Variants in PSMB5 observed in about 807,000 individuals in gnomAD.
The protein encoded by PSMB5 is proteasome subunit beta type-5.
In PSMB5, 2 loss-of-function variants were observed where a neutral mutation model predicts 22.8. The ratio of observed to expected loss-of-function variants is 0.09; its 90% CI spans 0.04 to 0.28. The LOEUF is 0.28. Among genes scored for constraint, PSMB5 ranks in the 10% least tolerant of loss-of-function variants. The pLI is 1.00. For synonymous variants in PSMB5, 133 were observed against 135.3 expected (o/e 0.98, Z 0.12); for missense variants, 269 against 343.8 (o/e 0.78, Z 1.72).
rs1453490794 is a variant in PSMB5 at position 23,033,580 on chromosome 14, G to A, written c.293C>T (p.Pro98Leu). Residue 98 changes from proline (P) to leucine (L), a missense_variant, in exon 2 of 3, where the codon CCA becomes CTA. Pro to Leu is a moderately conservative substitution (Grantham distance 98). Transcript: ENST00000361611. Reference sequence around the variant, plus strand: ...CCCAGCCATGGTGCCTAGCAGGTATGGGTTGATCTCTATCACCTTCTTCAC... The same window carrying A: ...CCCAGCCATGGTGCCTAGCAGGTATAGGTTGATCTCTATCACCTTCTTCAC... ...QTVKKVIEINPYLLGTMAGGA... is the reference protein window; with the variant it reads ...QTVKKVIEINLYLLGTMAGGA... 6.2e-7 allele frequency: 1 copy of A among 1,614,178 alleles called. No homozygotes were observed. Among genetic ancestry groups the A allele is most frequent in the South Asian group, 1.1e-5 (1 of 91,088 alleles).
At position 23,026,393 on chromosome 14, in the gene PSMB5, G is replaced by A. The variant is rs367628846; in HGVS notation, c.506-18C>T. 3.1e-5 allele frequency: 49 copies of A among 1,589,746 alleles called. No individual in the cohort carries two copies. The African/African-American group carries it at 5.5e-4, about 18-fold the overall frequency. ...GTAGAGGCCTGGAAAGGGAGATGAG[G>A]TTAGCAGGAAAAAAAAAAAGATCAC... On this transcript the variant is annotated intron_variant, in intron 2 of 2. Coordinates refer to ENST00000361611, the MANE Select transcript of PSMB5 (RefSeq NM_002797.5).
intron 2 of PSMB5, 52 bp from the exon 3 acceptor site, chr14:23,026,427 A>C: frequency 6.4e-7 from 1 of 1,574,174 alleles, no homozygotes; most frequent in East Asian, 2.2e-5. Context: ...ACCCCTTTTG[A>C]TATCTAATTC....
At position 23,026,431 on chromosome 14, in the gene PSMB5, C is replaced by T. The variant is rs560389024; in HGVS notation, c.506-56G>A. The T allele has an allele frequency of 7.0e-6, 11 of 1,567,868 alleles. No homozygotes were observed. In the East Asian group the frequency reaches 2.5e-4, roughly 35 times the overall value. ...AAAAAAAGATCACCCCTTTTGATATCTAATTCATATGCCAAGGCAGTAGTT... is the reference window on the plus strand; with the variant it reads ...AAAAAAAGATCACCCCTTTTGATATTTAATTCATATGCCAAGGCAGTAGTT... On this transcript the variant is annotated intron_variant, in intron 2 of 2. Transcript: ENST00000361611.
At chr14:23,035,038 C>A (rs1416323633), upstream of PSMB5, 1 of 1,389,536 alleles carries the variant, frequency 7.2e-7, no homozygotes, top group East Asian at 2.6e-5. Context: ...GAGCCAGATG[C>A]GAAAGACCAT....
chr14:23,030,321 CT>C (rs1442422136), intron 2 of PSMB5, among the ~76,000 whole-genome samples: 2 of 151,712 alleles, frequency 1.3e-5, no homozygotes, highest in African/African-American at 4.8e-5. Flanking sequence ...AACCCCGTCT[CT>C]ACTAAAAATA....
At chr14:23,026,575 A>G (rs1485673160) in intron 2 of PSMB5, among the ~76,000 whole-genome samples, 200 bp from the exon 3 acceptor site, 1 of 151,496 alleles carries the variant, frequency 6.6e-6, no homozygotes, top group Non-Finnish European at 1.5e-5. Flanking sequence ...TCAGTTTCCC[A>G]GGTAGCTAGG....
chr14:23,032,881 G>C (rs893146297), intron 2 of PSMB5, among the ~76,000 whole-genome samples: 1 of 149,758 alleles, frequency 6.7e-6, no homozygotes, highest in African/African-American at 2.5e-5. Flanking sequence ...ACAGGAGTGA[G>C]CCACCACGCC....
In PSMB5 at chr14:23,027,829, A is replaced by G. The variant is rs1019046553; in HGVS notation, c.506-1454T>C. On this transcript the variant is annotated intron_variant, in intron 2 of 2. Transcript: ENST00000361611. ...AGGTTTCAAGCACAGAACTTCAGAC[A>G]CTGTGAAAGATAACATTTAAAACAT... 1.9e-6 allele frequency: 3 copies of G among 1,543,396 alleles called. No homozygotes were observed. In the East Asian group the frequency reaches 7.4e-5, roughly 38 times the overall value.
Position 23,030,956 on chromosome 14 carries a change from T to TA in PSMB5, c.505+2411_505+2412insT, listed in dbSNP as rs1566715097. ...TAAATAAATAAATAAATAAATAAATTGGTCCTCTGTATATTTGGGTTTCAA... is the reference window on the plus strand; with the variant it reads ...TAAATAAATAAATAAATAAATAAATTAGGTCCTCTGTATATTTGGGTTTCAA... On this transcript the variant is annotated intron_variant, in intron 2 of 2. Transcript: ENST00000361611. 1.7e-3 allele frequency among the ~76,000 whole-genome samples: 253 copies of TA among 152,092 alleles called. 1 individual carries two copies. Among genetic ancestry groups the TA allele is most frequent in the Middle Eastern group, 0.01 (3 of 294 alleles).
At position 23,033,546 on chromosome 14, in the gene PSMB5, C is replaced by G; in HGVS notation, c.327G>C (p.Ala109=). The G allele has an allele frequency of 1.2e-6, 2 of 1,614,176 alleles. No individual in the cohort carries two copies. The highest frequency in any genetic ancestry group is 1.7e-6 in the Non-Finnish European group (2 of 1,180,046). ...ACAGCCGTTCCCAGAAGCTGCAATC[C>G]GCTGCGCCCCCAGCCATGGTGCCTA... ...YLLGTMAGGA[A]DCSFWERLLA... is the part of the protein sequence containing the mutation. The change falls in exon 2 of 3, where the codon GCG becomes GCC. Residue 109 remains alanine, a synonymous_variant. Coordinates refer to ENST00000361611, the MANE Select transcript of PSMB5 (RefSeq NM_002797.5).
chr14:23,030,714 GT>G (rs2046946595), intron 2 of PSMB5, among the ~76,000 whole-genome samples: 1 of 151,934 alleles, frequency 6.6e-6, no homozygotes, highest in Non-Finnish European at 1.5e-5. Context: ...ATCACCCGAG[GT>G]CAGGAGTTTA....
At position 23,027,697 on chromosome 14, in the gene PSMB5, G is replaced by A. The variant is rs746358989; in HGVS notation, c.506-1322C>T. The A allele has an allele frequency of 5.2e-6, 7 of 1,354,320 alleles. No homozygotes were observed. In the South Asian group the frequency reaches 8.9e-5, roughly 17 times the overall value. 83.9% of individuals were successfully genotyped at this position (1,354,320 alleles called of 1,614,324 possible). ...AATAAAATTTAATATTAAGACTCCA[G>A]GATTCTACAACATACCACCCCATCT... On this transcript the variant is annotated intron_variant, in intron 2 of 2. Transcript: ENST00000361611.
chr14:23,025,856 T>C lies in PSMB5; in HGVS notation c.*233A>G, dbSNP rs769957353. 157 of 1,380,488 alleles carry C rather than the reference T, an allele frequency of 1.1e-4. No homozygotes were observed. The highest frequency in any genetic ancestry group is 2.7e-4 in the Admixed American group (9 of 32,880). 85.5% of individuals were successfully genotyped at this position (1,380,488 alleles called of 1,614,324 possible). On this transcript the variant is annotated 3_prime_UTR_variant, in exon 3 of 3. Transcript: ENST00000361611. ...ACAAAAGATGCAACACAGGCTGAGA[T>C]TGAGTAGTGAGTAGTGTAATGTTAA...
chr14:23,034,629 C>T, intron 1 of PSMB5, 55 bp downstream of exon 1: 1 of 1,587,044 alleles, frequency 6.3e-7, no homozygotes, highest in East Asian at 2.3e-5. Context: ...GGCTGGGAGG[C>T]CAGGCAAGTC....
upstream of PSMB5, chr14:23,034,929 T>C (rs2046981234): frequency 6.3e-7 from 1 of 1,579,302 alleles, no homozygotes; most frequent in African/African-American, 1.4e-5. Flanking sequence ...CTAGCAAAGA[T>C]AGGCCGGGCA....
chr14:23,027,619 G>C, intron 2 of PSMB5: 5 of 610,900 alleles, frequency 8.2e-6, no homozygotes, highest in Non-Finnish European at 1.4e-5. Flanking sequence ...CCACACTCCA[G>C]CTTGGGCAAC....
In PSMB5 at chr14:23,026,187, C is replaced by T. The variant is rs2046911124; in HGVS notation, c.694G>A (p.Ala232Thr). 6 of 1,614,032 alleles carry T rather than the reference C, an allele frequency of 3.7e-6. No homozygotes were observed. The highest frequency in any genetic ancestry group is 2.2e-5 in the South Asian group (2 of 91,084). Residue 232 changes from alanine to threonine, a missense_variant, in exon 3 of 3, where the codon GCA becomes ACA. Around this residue, in one of 3 missense-constraint regions of PSMB5, gnomAD observed 113 missense variants for 130.2 expected, o/e 0.87. Transcript: ENST00000361611. ...TCCCGCACGTGGTAGAGGTTGACTGCACCTCCTGAGTAGGCATCTCTGTAG... is the reference window on the plus strand; with the variant it reads ...TCCCGCACGTGGTAGAGGTTGACTGTACCTCCTGAGTAGGCATCTCTGTAG... Reference protein sequence around the residue: ...ATYRDAYSGGAVNLYHVREDG... With the variant: ...ATYRDAYSGGTVNLYHVREDG...
chr14:23,026,384 G>A lies in PSMB5; in HGVS notation c.506-9C>T, dbSNP rs1487440001. On this transcript the variant is annotated splice_polypyrimidine_tract_variant and intron_variant, in intron 2 of 2. Transcript: ENST00000361611. Reference sequence around the variant, plus strand: ...GTCCACGTAGTAGAGGCCTGGAAAGGGAGATGAGGTTAGCAGGAAAAAAAA... The same window carrying A: ...GTCCACGTAGTAGAGGCCTGGAAAGAGAGATGAGGTTAGCAGGAAAAAAAA... The A allele has an allele frequency of 1.9e-5, 31 of 1,609,504 alleles. No individual in the cohort carries two copies. The Admixed American group carries it at 5.1e-4, about 26-fold the overall frequency.
chr14:23,033,660 G>T lies in PSMB5; in HGVS notation c.213C>A (p.Val71=). Residue 71 remains valine, a synonymous_variant, in exon 2 of 3, where the codon GTC becomes GTA. Transcript: ENST00000361611. ...TAGCCCTGGAGTCAGCTGCAACTAT[G>T]ACTCCATGGCGGAACTGTTAAGATC... ...TTLAFKFRHG[V]IVAADSRATA... 1.2e-6 allele frequency: 2 copies of T among 1,608,364 alleles called. No individual in the cohort carries two copies. The highest frequency in any genetic ancestry group is 2.2e-5 in the South Asian group (2 of 90,954).
Sources: allele counts gnomAD v4.1 joint callset (sites outside exome capture counted in the v4.1 genomes callset), GRCh38; gene constraint gnomAD v4.1.1; regional missense constraint gnomAD v4.1.1; transcripts MANE v1.5; gene names NCBI Gene and HGNC (gene_info 2026-07-23, HGNC 2026-07-21).